ANKRD12: variants seen among roughly 807,000 people sequenced by gnomAD.
ANKRD12 encodes the protein ankyrin repeat domain 12, also known as ankyrin repeat domain-containing protein 12.
A neutral mutation model predicts 183.4 loss-of-function variants in ANKRD12; 85 were observed. The ratio of observed to expected loss-of-function variants is 0.46; its 90% CI spans 0.39 to 0.56. The LOEUF is 0.56. Ranked by LOEUF, ANKRD12 falls within the 20% of genes least tolerant of loss-of-function variation. The pLI is 0.00. For missense variants in ANKRD12, 2,405 were observed against 2,357.1 expected (o/e 1.02, Z -0.42); for synonymous variants, 914 against 800.2 (o/e 1.14, Z -2.40).
intron 7 of ANKRD12, among the ~76,000 whole-genome samples, chr18:9,220,109 T>G (rs192344763): frequency 4.9e-4 from 74 of 152,312 alleles, no homozygotes; most frequent in Middle Eastern, 3.4e-3. Flanking sequence ...CTAGAAAAGT[T>G]TTTTTCTTTA....
intron 8 of ANKRD12, among the ~76,000 whole-genome samples, chr18:9,233,361 A>G (rs2037163620): frequency 6.6e-6 from 1 of 151,950 alleles, no homozygotes; most frequent in Non-Finnish European, 1.5e-5. Flanking sequence ...GAATTCTCTT[A>G]TATCTCACTG....
intron 10 of ANKRD12, among the ~76,000 whole-genome samples, chr18:9,272,655 A>G (rs73394199): frequency 1.3e-3 from 201 of 152,258 alleles, no homozygotes; most frequent in African/African-American, 4.7e-3. Context: ...CAGGACTACA[A>G]CCAACTTTTT....
chr18:9,278,219 G>T (rs2039946263), intron 11 of ANKRD12, among the ~76,000 whole-genome samples: 1 of 151,964 alleles, frequency 6.6e-6, no homozygotes, highest in South Asian at 2.1e-4. Flanking sequence ...TTTACAGCTG[G>T]CTTTAGAGTA....
At chr18:9,140,911 C>T (rs1317041500) in intron 1 of ANKRD12, among the ~76,000 whole-genome samples, 4 of 152,086 alleles carry the variant, frequency 2.6e-5, no homozygotes, top group African/African-American at 4.8e-5. Flanking sequence ...AGGTAATTTT[C>T]ATAATAACCT....
Position 9,255,028 on chromosome 18 carries a change from A to T in ANKRD12, c.1761A>T (p.Glu587Asp), listed in dbSNP as rs1456082686. Reference sequence around the variant, plus strand: ...ATCTTGTTCGGTATGATAATACAGAATCTGAATTCTTGCCAGAAAGTTCAA... The same window carrying T: ...ATCTTGTTCGGTATGATAATACAGATTCTGAATTCTTGCCAGAAAGTTCAA... ...QPDLVRYDNTESEFLPESSSV... is the reference protein window; with the variant it reads ...QPDLVRYDNTDSEFLPESSSV... The change falls in exon 9 of 13, where the codon GAA (glutamate) becomes GAT (aspartate). Residue 587 changes from glutamate to aspartate, a missense_variant. By Grantham distance (45) the Glu-to-Asp change is conservative (BLOSUM62 2). Transcript: ENST00000262126. 1 of 1,598,376 alleles carries T rather than the reference A, an allele frequency of 6.3e-7. No homozygotes were observed. Among genetic ancestry groups the T allele is most frequent in the Non-Finnish European group, 8.5e-7 (1 of 1,174,990 alleles).
intron 1 of ANKRD12, among the ~76,000 whole-genome samples, chr18:9,139,818 T>C (rs889664694): frequency 2.0e-5 from 3 of 152,220 alleles, no homozygotes; most frequent in African/African-American, 7.2e-5. Context: ...TCTGATTTTC[T>C]TTATTCATTT....
At chr18:9,216,945 T>A in intron 7 of ANKRD12, 45 bp downstream of exon 7, 8 of 1,571,438 alleles carry the variant, frequency 5.1e-6, no homozygotes, top group Non-Finnish European at 7.0e-6. Context: ...TTGCAAAATA[T>A]AAATTCAACC....
At chr18:9,266,325 A>C (rs1050384881) in intron 10 of ANKRD12, among the ~76,000 whole-genome samples, 5 of 152,230 alleles carry the variant, frequency 3.3e-5, no homozygotes, top group Non-Finnish European at 7.3e-5. Context: ...CAGATTCACC[A>C]AAGTTGAAAT....
intron 12 of ANKRD12, 110 bp downstream of exon 12, chr18:9,279,754 G>T: frequency 1.6e-6 from 1 of 625,204 alleles, no homozygotes; most frequent in Non-Finnish European, 2.8e-6. Context: ...ATACTGGTTA[G>T]TCATGAATCC....
intron 1 of ANKRD12, among the ~76,000 whole-genome samples, chr18:9,159,802 A>AT (rs560986854): frequency 0.011 from 1,627 of 141,486 alleles, 12 homozygotes; most frequent in Middle Eastern, 0.023. Context: ...GTAGTTTCAG[A>AT]TTTTTTTTTT....
rs2038546995 is a variant in ANKRD12 at position 9,255,418 on chromosome 18, C to CT, written c.2153dup (p.Leu718PhefsTer16). The CT allele has an allele frequency of 6.4e-7, 1 of 1,571,016 alleles. No homozygotes were observed. The highest frequency in any genetic ancestry group is 8.6e-7 in the Non-Finnish European group (1 of 1,167,492). On this transcript the variant is annotated frameshift_variant, in exon 9 of 13. Coordinates refer to ENST00000262126, the MANE Select transcript of ANKRD12 (RefSeq NM_015208.5). LOFTEE classifies it high-confidence loss of function. ...TCTTTTTAAATATGGAACATGAATCCTTAACATTAGAAAAAAAATCAAAAT... is the reference window on the plus strand; with the variant it reads ...TCTTTTTAAATATGGAACATGAATCCTTTAACATTAGAAAAAAAATCAAAAT...
rs1027480142 is a variant in ANKRD12 at position 9,283,989 on chromosome 18, A to G, written c.*2863A>G. 2.6e-5 allele frequency: 4 copies of G among 152,238 alleles called. No homozygotes were observed. Among genetic ancestry groups the G allele is most frequent in the African/African-American group, 9.6e-5 (4 of 41,456 alleles). 9.4% of individuals were successfully genotyped at this position (152,238 alleles called of 1,614,324 possible). On this transcript the variant is annotated 3_prime_UTR_variant, in exon 13 of 13. Transcript: ENST00000262126. ...ATCTCAGTAAAGCAAATACCACAAC[A>G]AAGCGAGTCAGGAGGAATTTTTTGG...
intron 5 of ANKRD12, among the ~76,000 whole-genome samples, chr18:9,209,456 G>A (rs62085924): frequency 0.11 from 16,779 of 152,178 alleles, 1,080 homozygotes; most frequent in African/African-American, 0.16. Context: ...TCTGGGTTAC[G>A]TAACAGTCCA....
intron 1 of ANKRD12, among the ~76,000 whole-genome samples, chr18:9,166,328 G>A (rs2032062812): frequency 2.0e-5 from 3 of 152,130 alleles, no homozygotes; most frequent in Admixed American, 2.0e-4. Flanking sequence ...CTAGTTTACA[G>A]TCCCACCAAC....
chr18:9,179,188 G>A lies in ANKRD12; in HGVS notation c.-51-3194G>A, dbSNP rs1032922201. Among the ~76,000 whole-genome samples, 2 of 152,068 alleles carry A rather than the reference G, an allele frequency of 1.3e-5. 1 individual carries two copies. The highest frequency in any genetic ancestry group is 2.9e-5 in the Non-Finnish European group (2 of 68,018). ...AGCTTCTTTGTAGATATCTTTGCTT[G>A]TCTACATAGATTATCATGGTATCTG... is the stretch of plus-strand genomic sequence containing the variant. On this transcript the variant is annotated intron_variant, in intron 1 of 12. Coordinates refer to ENST00000262126, the MANE Select transcript of ANKRD12 (RefSeq NM_015208.5).
chr18:9,250,537 AG>A (rs541753534), intron 8 of ANKRD12, among the ~76,000 whole-genome samples: 156 of 152,184 alleles, frequency 1.0e-3, no homozygotes, highest in African/African-American at 3.5e-3. Flanking sequence ...TGGGCAACAT[AG>A]TGAGTCCTCA....
rs1665453691 is a variant in ANKRD12 at position 9,204,759 on chromosome 18, A to G, written c.304+215A>G. ...AGCTATGTGTGAACCTTGTAGCAGG[A>G]CTGCCATATACCTCCACTCCAGTTT... On this transcript the variant is annotated intron_variant, in intron 4 of 12. Coordinates refer to ENST00000262126, the MANE Select transcript of ANKRD12 (RefSeq NM_015208.5). 4.6e-5 allele frequency among the ~76,000 whole-genome samples: 7 copies of G among 152,174 alleles called. No homozygotes were observed. The South Asian group carries it at 6.2e-4, about 13-fold the overall frequency.
intron 1 of ANKRD12, among the ~76,000 whole-genome samples, chr18:9,169,640 C>G (rs1753046652): frequency 6.6e-6 from 1 of 152,182 alleles, no homozygotes; most frequent in Admixed American, 6.5e-5. Context: ...GAATACAGCA[C>G]ACTGATAGGT....
chr18:9,146,170 T>C (rs2078486577), intron 1 of ANKRD12, among the ~76,000 whole-genome samples: 1 of 152,246 alleles, frequency 6.6e-6, no homozygotes, highest in African/African-American at 2.4e-5. Flanking sequence ...ATTCCTTTAG[T>C]AAACCTGCTT....
Sources: allele counts gnomAD v4.1 joint callset (sites outside exome capture counted in the v4.1 genomes callset), GRCh38; gene constraint gnomAD v4.1.1; transcripts MANE v1.5; gene names NCBI Gene and HGNC (gene_info 2026-07-23, HGNC 2026-07-21).